NLRP13: variants seen among roughly 807,000 people sequenced by gnomAD.
The protein encoded by NLRP13 is NLR family pyrin domain containing 13.
A neutral mutation model predicts 94.4 loss-of-function variants in NLRP13; 82 were observed. The ratio of observed to expected loss-of-function variants is 0.87; its 90% CI spans 0.73 to 1.04. NLRP13 has a LOEUF of 1.04. NLRP13 is among the 50% of genes least tolerant of loss of function. The pLI is 0.00. For missense variants in NLRP13, 1,426 were observed against 1,230.8 expected, an observed-to-expected ratio of 1.16 and a Z score of -2.37; for synonymous variants, 553 against 464.7, an observed-to-expected ratio of 1.19 and a Z score of -2.45.
chr19:55,903,959 G>A (rs1986264462), intron 8 of NLRP13, among the ~76,000 whole-genome samples: 1 of 152,138 alleles, frequency 6.6e-6, no homozygotes, highest in Non-Finnish European at 1.5e-5. Flanking sequence ...ATCCAAGGAT[G>A]ACTTTCCATC....
In NLRP13 at chr19:55,907,885, G is replaced by C; in HGVS notation, c.2354C>G (p.Thr785Ser). ...CTTGTTAGAGCTGAAGTTCAGATGGGTCAGCTTGCTGTTACCCTGAAGGGC... is the reference window on the plus strand; with the variant it reads ...CTTGTTAGAGCTGAAGTTCAGATGGCTCAGCTTGCTGTTACCCTGAAGGGC... ...IIALQGNSKLTHLNFSSNKLG... is the reference protein window; with the variant it reads ...IIALQGNSKLSHLNFSSNKLG... The change falls in exon 7 of 11, where the codon ACC (threonine) becomes AGC (serine). Residue 785 changes from threonine to serine, a missense_variant. Coordinates refer to ENST00000342929, the MANE Select transcript of NLRP13 (RefSeq NM_176810.2). 2 of 1,613,666 alleles carry C rather than the reference G, an allele frequency of 1.2e-6. No homozygotes were observed. The highest frequency in any genetic ancestry group is 1.7e-6 in the Non-Finnish European group (2 of 1,179,744).
chr19:55,900,968 C>A (rs545129031), intron 9 of NLRP13, among the ~76,000 whole-genome samples: 1 of 151,364 alleles, frequency 6.6e-6, no homozygotes, highest in South Asian at 2.1e-4. Flanking sequence ...ATCCCTTGAC[C>A]GGCCAGGCAC....
intron 1 of NLRP13, among the ~76,000 whole-genome samples, chr19:55,930,901 A>ATATATATTTTTTTTT (rs1338071833): frequency 4.1e-5 from 4 of 98,298 alleles, no homozygotes; most frequent in South Asian, 3.1e-4. Flanking sequence ...TATATATAAA[A>ATATATATTTTTTTTT]TTTTAACCAG....
chr19:55,921,341 A>G (rs188557453), intron 4 of NLRP13, among the ~76,000 whole-genome samples: 15 of 152,330 alleles, frequency 9.8e-5, no homozygotes, highest in Non-Finnish European at 1.5e-4. Context: ...AGACACCCAC[A>G]ATATCATAAC....
At position 55,911,849 on chromosome 19, in the gene NLRP13, A is replaced by G; in HGVS notation, c.1968T>C (p.Gly656=). ...TATTAAGGTCAACTTCAAAGATACG[A>G]CCCAACATCTTCTTTGTGAAGTCTT... ...QEEDFTKKML[G]RIFEVDLNIL... is the part of the protein sequence containing the mutation. Residue 656 remains glycine (G), a synonymous_variant, in exon 5 of 11, where the codon GGT becomes GGC. Coordinates refer to ENST00000342929, the MANE Select transcript of NLRP13 (RefSeq NM_176810.2). The G allele has an allele frequency of 6.2e-7, 1 of 1,614,160 alleles. No individual in the cohort carries two copies. Among genetic ancestry groups the G allele is most frequent in the Non-Finnish European group, 8.5e-7 (1 of 1,180,020 alleles).
intron 9 of NLRP13, 62 bp from the exon 10 acceptor site, chr19:55,898,999 T>C: frequency 6.6e-7 from 1 of 1,517,540 alleles, no homozygotes; most frequent in Non-Finnish European, 8.9e-7. Flanking sequence ...GTGCTGTGTT[T>C]ACAACTGCCC....
rs554364448 is a variant in NLRP13, at chr19:55,913,782, A to G, written c.524-489T>C. On this transcript the variant is annotated intron_variant, in intron 4 of 10. Coordinates refer to ENST00000342929, the MANE Select transcript of NLRP13 (RefSeq NM_176810.2). ...GTACTTTCAGGCGGGGGGAAGGCCA[A>G]GGTGAATGCCCACCCAGAATTTTTT... Among the ~76,000 whole-genome samples, 5 of 152,068 alleles carry G rather than the reference A, an allele frequency of 3.3e-5. No individual in the cohort carries two copies. In the East Asian group the frequency reaches 9.7e-4, roughly 30 times the overall value.
At chr19:55,895,405 G>C (rs570578932), downstream of NLRP13, among the ~76,000 whole-genome samples, 1 of 150,562 alleles carries the variant, frequency 6.6e-6, no homozygotes, top group Non-Finnish European at 1.5e-5. Context: ...AAAACAGTCC[G>C]GGCATGGTGG....
At position 55,904,972 on chromosome 19, in the gene NLRP13, G is replaced by A. The variant is rs141779208; in HGVS notation, c.2588C>T (p.Thr863Ile). 6.2e-6 allele frequency: 10 copies of A among 1,613,884 alleles called. No individual in the cohort carries two copies. Among genetic ancestry groups the A allele is most frequent in the Non-Finnish European group, 8.5e-6 (10 of 1,179,958 alleles). The change falls in exon 8 of 11, where the codon ACT becomes ATT. Residue 863 changes from threonine (T) to isoleucine (I), a missense_variant. Coordinates refer to ENST00000342929, the MANE Select transcript of NLRP13 (RefSeq NM_176810.2). ...TCTCTCTAAGGCACACTTGGGGTGA[G>A]TCAGGGCCGCACACAATAGCTTTAT... The part of the protein sequence containing the change: ...DGIKLLCAAL[T>I]HPKCALERLE...
intron 1 of NLRP13, among the ~76,000 whole-genome samples, chr19:55,929,268 T>A (rs955813368): frequency 2.4e-4 from 36 of 152,170 alleles, no homozygotes; most frequent in African/African-American, 8.4e-4. Flanking sequence ...AGCAATCCCA[T>A]TACTGGGTAT....
intron 4 of NLRP13, among the ~76,000 whole-genome samples, chr19:55,918,014 A>C (rs1600273368): frequency 6.6e-6 from 1 of 152,136 alleles, no homozygotes; most frequent in Admixed American, 6.6e-5. Context: ...GTTAGGCTAC[A>C]AAACAAGGCT....
downstream of NLRP13, chr19:55,895,933 A>T: frequency 6.2e-7 from 1 of 1,612,690 alleles, no homozygotes; most frequent in African/African-American, 1.3e-5. Context: ...CCTGCAGAAA[A>T]GTCAGTGAGG....
At chr19:55,895,668 G>A (rs959302102), downstream of NLRP13, among the ~76,000 whole-genome samples, 2 of 152,176 alleles carry the variant, frequency 1.3e-5, no homozygotes, top group African/African-American at 4.8e-5. Context: ...GGGTGACAGA[G>A]CGAGACACTG....
Position 55,925,005 on chromosome 19 carries a change from G to T in NLRP13, c.350C>A (p.Pro117Gln), listed in dbSNP as rs758461215. ...TAGCATCTCTAGATCTTCCTGGGTT[G>T]GATCTTGCAGCTCTTGGGTCTGCAC... ...ENVQTQELQD[P>Q]TQEDLEMLEA... The change falls in exon 2 of 11, where the codon CCA becomes CAA. Residue 117 changes from proline (P) to glutamine (Q), a missense_variant. Coordinates refer to ENST00000342929, the MANE Select transcript of NLRP13 (RefSeq NM_176810.2). 6.2e-7 allele frequency: 1 copy of T among 1,614,048 alleles called. No individual in the cohort carries two copies.
downstream of NLRP13, chr19:55,891,861 C>G: frequency 2.6e-6 from 1 of 387,066 alleles, no homozygotes; most frequent in Non-Finnish European, 4.6e-6. Flanking sequence ...CGGCCTCCAA[C>G]AACCGTGACA....
At chr19:55,902,816 TTAAA>T (rs2078615810) in intron 8 of NLRP13, among the ~76,000 whole-genome samples, 1 of 149,894 alleles carries the variant, frequency 6.7e-6, no homozygotes, top group African/African-American at 2.5e-5. Context: ...CGTTAATATA[TTAAA>T]TATTAACTAT....
chr19:55,914,730 T>C (rs1225395754), intron 4 of NLRP13, among the ~76,000 whole-genome samples: 1 of 152,220 alleles, frequency 6.6e-6, no homozygotes, highest in African/African-American at 2.4e-5. Flanking sequence ...TCACAAATGA[T>C]AGAATTTCAC....
At chr19:55,927,555 T>A (rs1986999363) in intron 1 of NLRP13, among the ~76,000 whole-genome samples, 1 of 151,608 alleles carries the variant, frequency 6.6e-6, no homozygotes, top group South Asian at 2.1e-4. Context: ...TATCCTTGGG[T>A]GGGGTAGAGG....
chr19:55,930,342 A>T, intron 1 of NLRP13, among the ~76,000 whole-genome samples: 1 of 152,206 alleles, frequency 6.6e-6, no homozygotes, highest in Middle Eastern at 3.2e-3. Context: ...CCTCCTTCTT[A>T]TAAATATAGT....
Sources: allele counts gnomAD v4.1 joint callset (sites outside exome capture counted in the v4.1 genomes callset), GRCh38; gene constraint gnomAD v4.1.1; transcripts MANE v1.5; gene names NCBI Gene and HGNC (gene_info 2026-07-23, HGNC 2026-07-21).